DAAM2: variants seen among roughly 807,000 people sequenced by gnomAD.
The protein encoded by DAAM2 is dishevelled associated activator of morphogenesis 2, also known as disheveled-associated activator of morphogenesis 2.
Under a neutral mutation model 120.7 loss-of-function variants are expected in DAAM2, and 39 were observed. The ratio of observed to expected loss-of-function variants is 0.32; its 90% CI spans 0.25 to 0.42. DAAM2 has a LOEUF of 0.42. DAAM2 is among the 10% of genes least tolerant of loss of function. DAAM2 has a pLI of 1.00. For synonymous variants in DAAM2, 488 were observed against 524.9 expected, an observed-to-expected ratio of 0.93 and a Z score of 0.96; for missense variants, 1,283 against 1,401.7, an observed-to-expected ratio of 0.92 and a Z score of 1.35.
chr6:39,831,149 G>A (rs1762871430), intron 1 of DAAM2, among the ~76,000 whole-genome samples: 1 of 152,146 alleles, frequency 6.6e-6, no homozygotes, highest in Non-Finnish European at 1.5e-5. Context: ...AGTAATTCTA[G>A]TCACTGCGGA....
intron 1 of DAAM2, among the ~76,000 whole-genome samples, chr6:39,847,360 G>A (rs1295256473): frequency 2.6e-5 from 4 of 152,102 alleles, no homozygotes; most frequent in Non-Finnish European, 4.4e-5. Context: ...AAAGCTGGAG[G>A]CTCCTTTCCC....
In DAAM2 at chr6:39,839,224, T is replaced by C. The variant is rs1582651344; in HGVS notation, c.-56-17023T>C. On this transcript the variant is annotated intron_variant, in intron 1 of 24. Coordinates refer to ENST00000274867, the MANE Select transcript of DAAM2 (RefSeq NM_001201427.2). ...TGAATTGTTAAAAGGTTTGTAAAAA[T>C]TCTGGCGAAAAAAGAGGAAAGAGAA... Among the ~76,000 whole-genome samples, 3 of 152,236 alleles carry C rather than the reference T, an allele frequency of 2.0e-5. No individual in the cohort carries two copies. The East Asian group carries it at 5.8e-4, about 29-fold the overall frequency.
At chr6:39,832,133 T>G (rs756027623) in intron 1 of DAAM2, among the ~76,000 whole-genome samples, 8 of 151,852 alleles carry the variant, frequency 5.3e-5, no homozygotes, top group Non-Finnish European at 1.0e-4. Flanking sequence ...GCAGGTGCAC[T>G]GGTGCTCACT....
rs111950018 is a variant in DAAM2 at position 39,901,913 on chromosome 6, C to T, written c.3083C>T (p.Ser1028Leu). 225 of 1,608,240 alleles carry T rather than the reference C, an allele frequency of 1.4e-4. No homozygotes were observed. The African/African-American group carries it at 2.1e-3, about 15-fold the overall frequency. The change falls in exon 25 of 25, where the codon TCG (serine) becomes TTG (leucine). Residue 1028 changes from serine to leucine, a missense_variant. Ser to Leu is a moderately radical substitution (Grantham distance 145). Around this residue, in one of 3 missense-constraint regions of DAAM2, gnomAD observed 748 missense variants for 768.6 expected, o/e 0.97. Coordinates refer to ENST00000274867, the MANE Select transcript of DAAM2 (RefSeq NM_001201427.2). The surrounding 1 kb of genome is among the most constrained non-coding windows in gnomAD (Gnocchi z 4.5). The part of the protein sequence containing the change: ...EEGGEFDDLV[S>L]ALRSGEVFDK... The stretch of plus-strand genomic sequence containing the variant: ...GGAGGAGAGTTCGATGACCTGGTGT[C>T]GGCCCTGCGCTCTGGGGAGGTCTTC...
intron 1 of DAAM2, among the ~76,000 whole-genome samples, chr6:39,818,208 T>C (rs1476557699): frequency 2.3e-5 from 3 of 132,300 alleles, no homozygotes; most frequent in African/African-American, 5.7e-5. Context: ...AAAAAAAAAC[T>C]TCACAGTAAC....
Position 39,868,949 on chromosome 6 carries a change from C to T in DAAM2, c.873+16C>T. 2.0e-6 allele frequency: 3 copies of T among 1,527,566 alleles called. No individual in the cohort carries two copies. The highest frequency in any genetic ancestry group is 2.4e-5 in the East Asian group (1 of 41,478). The allele number at this position is 1,527,566 out of a possible 1,614,324, so 94.6% of individuals were successfully genotyped here. ...AGCTGGAGAGGTGGGGTGCCTTCTC[C>T]TTGCCCTTGCTGTTCCCTGACTTTC... On this transcript the variant is annotated intron_variant, in intron 7 of 24. Transcript: ENST00000274867.
intron 1 of DAAM2, among the ~76,000 whole-genome samples, chr6:39,832,238 A>G (rs6937133): frequency 0.25 from 38,284 of 151,798 alleles, 5,019 homozygotes; most frequent in South Asian, 0.38. Flanking sequence ...AGTTTGTGTC[A>G]AATAAGGAGA....
Position 39,891,317 on chromosome 6 carries a change from G to A in DAAM2, c.2146-24G>A, listed in dbSNP as rs762064698. 20 of 1,561,208 alleles carry A rather than the reference G, an allele frequency of 1.3e-5. No individual in the cohort carries two copies. In the South Asian group the frequency reaches 2.3e-4, roughly 18 times the overall value. ...TGTCTGCTGCTCACCAGTTGCTTGTGTGACTTGCGCCTGCTCTTTGCAGCT... is the reference window on the plus strand; with the variant it reads ...TGTCTGCTGCTCACCAGTTGCTTGTATGACTTGCGCCTGCTCTTTGCAGCT... On this transcript the variant is annotated intron_variant, in intron 17 of 24. Coordinates refer to ENST00000274867, the MANE Select transcript of DAAM2 (RefSeq NM_001201427.2).
chr6:39,821,345 T>G (rs2114132430), intron 1 of DAAM2: 1 of 152,388 alleles, frequency 6.6e-6, no homozygotes, highest in South Asian at 2.1e-4. Context: ...ACAGAAGGAC[T>G]CCCTGTCTGC....
intron 15 of DAAM2, 139 bp from the exon 16 acceptor site, chr6:39,887,347 C>T (rs1467279992): frequency 3.3e-6 from 2 of 614,448 alleles, no homozygotes; most frequent in Non-Finnish European, 2.9e-6. Context: ...CCACCCTCCT[C>T]TCTCTCCTGT....
intron 19 of DAAM2, among the ~76,000 whole-genome samples, chr6:39,892,104 A>G (rs1765762721): frequency 6.6e-6 from 1 of 152,164 alleles, no homozygotes; most frequent in African/African-American, 2.4e-5. Context: ...CTCATAGAAG[A>G]CTTCTGGGCA....
Position 39,860,924 on chromosome 6 carries a change from G to T in DAAM2, c.169-4G>T. 6.2e-7 allele frequency: 1 copy of T among 1,611,224 alleles called. No homozygotes were observed. The highest frequency in any genetic ancestry group is 8.5e-7 in the Non-Finnish European group (1 of 1,178,508). ...AGACGTATTTTTTCTTATTGTCTTTGCAGGATGAATTGGATCTCACTGACA... is the reference window on the plus strand; with the variant it reads ...AGACGTATTTTTTCTTATTGTCTTTTCAGGATGAATTGGATCTCACTGACA... On this transcript the variant is annotated splice_polypyrimidine_tract_variant and splice_region_variant and intron_variant, in intron 2 of 24. Transcript: ENST00000274867.
chr6:39,805,984 C>T (rs1761999589), intron 1 of DAAM2, among the ~76,000 whole-genome samples: 1 of 152,118 alleles, frequency 6.6e-6, no homozygotes, highest in African/African-American at 2.4e-5. Context: ...AAATCAAATG[C>T]CTCCTGAAAT....
At chr6:39,813,128 A>G (rs79629823) in intron 1 of DAAM2, among the ~76,000 whole-genome samples, 1,661 of 152,096 alleles carry the variant, frequency 0.011, 28 homozygotes, top group African/African-American at 0.038. Context: ...CTGGAGAGAG[A>G]AGGAAAGAAG....
chr6:39,844,305 G>C (rs1039468892), intron 1 of DAAM2, among the ~76,000 whole-genome samples: 5 of 152,092 alleles, frequency 3.3e-5, no homozygotes, highest in South Asian at 2.1e-4. Context: ...TAGCAGAGGT[G>C]GGGGGTTGAG....
chr6:39,900,929 G>A (rs912869988), intron 23 of DAAM2, among the ~76,000 whole-genome samples: 1 of 152,156 alleles, frequency 6.6e-6, no homozygotes, highest in Non-Finnish European at 1.5e-5. Flanking sequence ...GACAGTGGAG[G>A]AAGCTGAGGC....
intron 5 of DAAM2, among the ~76,000 whole-genome samples, chr6:39,865,612 C>T (rs974457477): frequency 2.6e-5 from 4 of 152,176 alleles, no homozygotes; most frequent in Admixed American, 2.0e-4. Flanking sequence ...CAGGCCACAA[C>T]GTGTGGGGCC....
chr6:39,825,813 G>T (rs1020205803), intron 1 of DAAM2, among the ~76,000 whole-genome samples: 2 of 152,182 alleles, frequency 1.3e-5, no homozygotes, highest in African/African-American at 4.8e-5. Flanking sequence ...GGATTCTCTT[G>T]CAGTTCACAG....
rs186480179 is a variant in DAAM2 at position 39,901,143 on chromosome 6, G to A, written c.2812-159G>A. 5.3e-5 allele frequency among the ~76,000 whole-genome samples: 8 copies of A among 152,186 alleles called. No homozygotes were observed. In the East Asian group the frequency reaches 1.6e-3, roughly 30 times the overall value. Reference sequence around the variant, plus strand: ...TAGCCTTGTCTCTGATCCTGATGATGATGGGGGTGTCTTCTCACCTCTTCC... The same window carrying A: ...TAGCCTTGTCTCTGATCCTGATGATAATGGGGGTGTCTTCTCACCTCTTCC... On this transcript the variant is annotated intron_variant, in intron 23 of 24. Coordinates refer to ENST00000274867, the MANE Select transcript of DAAM2 (RefSeq NM_001201427.2). The surrounding 1 kb of genome is among the most constrained non-coding windows in gnomAD (Gnocchi z 4.5).
Sources: allele counts gnomAD v4.1 joint callset (sites outside exome capture counted in the v4.1 genomes callset), GRCh38; gene constraint gnomAD v4.1.1; regional missense constraint gnomAD v4.1.1; non-coding constraint Gnocchi (gnomAD v3.1); transcripts MANE v1.5; gene names NCBI Gene and HGNC (gene_info 2026-07-23, HGNC 2026-07-21).